DOCK1: variants seen among roughly 807,000 people sequenced by gnomAD.
The protein encoded by DOCK1 is dedicator of cytokinesis protein 1.
Under a neutral mutation model 262.7 loss-of-function variants are expected in DOCK1, and 138 were observed. The observed-to-expected ratio is 0.53, with a 90% confidence interval of 0.46 to 0.61. The LOEUF (loss-of-function observed/expected upper bound fraction) is 0.61, where lower values mean the gene tolerates loss of function less well. Among genes scored for constraint, DOCK1 ranks in the 20% least tolerant of loss-of-function variants. The pLI, the probability that DOCK1 is intolerant of heterozygous loss-of-function variation, is 0.00. For synonymous variants in DOCK1, 866 were observed against 867.4 expected (o/e 1.00, Z 0.03); for missense variants, 1,908 against 2,370.7 (o/e 0.80, Z 4.05).
intron 27 of DOCK1, among the ~76,000 whole-genome samples, chr10:127,158,946 A>G (rs2053338248): frequency 6.6e-6 from 1 of 152,148 alleles, no homozygotes; most frequent in South Asian, 2.1e-4. Flanking sequence ...CCATCCTTCT[A>G]GAACTGGGTT....
At chr10:127,067,639 G>C (rs888213590) in intron 23 of DOCK1, among the ~76,000 whole-genome samples, 5 of 151,834 alleles carry the variant, frequency 3.3e-5, no homozygotes, top group African/African-American at 9.7e-5. Flanking sequence ...GTCTCCTTTA[G>C]TCTATTCTAG....
intron 27 of DOCK1, among the ~76,000 whole-genome samples, chr10:127,218,792 A>G (rs921908435): frequency 3.9e-5 from 6 of 152,204 alleles, no homozygotes; most frequent in Non-Finnish European, 8.8e-5. Flanking sequence ...TTTATAAAGA[A>G]CAAAAATTTG....
chr10:126,965,425 G>A (rs1337633594), intron 1 of DOCK1, among the ~76,000 whole-genome samples: 1 of 152,154 alleles, frequency 6.6e-6, no homozygotes, highest in Non-Finnish European at 1.5e-5. Context: ...TCGGCGAAAT[G>A]GTCCCAGACT....
At chr10:126,908,776 C>T (rs993998078) in intron 1 of DOCK1, among the ~76,000 whole-genome samples, 2 of 152,192 alleles carry the variant, frequency 1.3e-5, no homozygotes, top group African/African-American at 4.8e-5. Context: ...CTTGACTCAG[C>T]TGTCACACTG....
intron 10 of DOCK1, among the ~76,000 whole-genome samples, chr10:127,005,555 G>C (rs1042723049): frequency 6.6e-6 from 1 of 151,956 alleles, no homozygotes; most frequent in East Asian, 1.9e-4. Context: ...CTTAGTCTTC[G>C]GTTGAAAAGA....
intron 27 of DOCK1, among the ~76,000 whole-genome samples, chr10:127,138,579 GC>G: frequency 6.6e-6 from 1 of 152,124 alleles, no homozygotes; most frequent in East Asian, 1.9e-4. Context: ...AGTGCCCAAC[GC>G]TGGGGAAAAT....
At chr10:127,183,158 T>C (rs1589820916) in intron 27 of DOCK1, among the ~76,000 whole-genome samples, 1 of 145,802 alleles carries the variant, frequency 6.9e-6, no homozygotes, top group Middle Eastern at 3.5e-3. Context: ...ATTGATTTTT[T>C]CCCCCCTAAA....
intron 29 of DOCK1, among the ~76,000 whole-genome samples, chr10:127,275,007 A>G (rs1295496609): frequency 6.6e-6 from 1 of 152,160 alleles, no homozygotes; most frequent in Non-Finnish European, 1.5e-5. Context: ...TCAGGTGCCC[A>G]GGAGGTGGCC....
chr10:127,190,071 A>G (rs546179145), intron 27 of DOCK1, among the ~76,000 whole-genome samples: 30 of 152,346 alleles, frequency 2.0e-4, no homozygotes, highest in African/African-American at 7.2e-4. Flanking sequence ...ACATTAATTT[A>G]TCTGACTGCA....
chr10:127,167,259 T>C (rs533920998), intron 27 of DOCK1, among the ~76,000 whole-genome samples: 2 of 152,288 alleles, frequency 1.3e-5, no homozygotes, highest in East Asian at 3.9e-4. Flanking sequence ...ATAACTTATA[T>C]TTGGGGTTTC....
At chr10:126,915,430 C>CT (rs1564979883) in intron 1 of DOCK1, among the ~76,000 whole-genome samples, 1 of 120,826 alleles carries the variant, frequency 8.3e-6, no homozygotes, top group Non-Finnish European at 1.8e-5. Context: ...TTTTTGGGGG[C>CT]GGGGGGGGGA....
intron 1 of DOCK1, among the ~76,000 whole-genome samples, chr10:126,950,137 T>A (rs1355910943): frequency 1.1e-4 from 16 of 152,166 alleles, no homozygotes; most frequent in African/African-American, 3.9e-4. Context: ...ATTAGATAAA[T>A]TAGGTAGTCC....
intron 29 of DOCK1, among the ~76,000 whole-genome samples, chr10:127,299,388 GCCGCCGCGCCCGGCCA>G (rs2061606911): frequency 6.6e-6 from 1 of 152,226 alleles, no homozygotes; most frequent in Non-Finnish European, 1.5e-5. Flanking sequence ...ACAGGCGTGA[GCCGCCGCGCCCGGCCA>G]AGAAGGGTGG....
At position 127,012,181 on chromosome 10, in the gene DOCK1, G is replaced by C; in HGVS notation, c.1059-51G>C. 1.0e-6 allele frequency: 1 copy of C among 972,116 alleles called. No individual in the cohort carries two copies. The highest frequency in any genetic ancestry group is 1.7e-6 in the Non-Finnish European group (1 of 603,736). The allele number at this position is 972,116 out of a possible 1,614,324, so 60.2% of individuals were successfully genotyped here. On this transcript the variant is annotated intron_variant, in intron 11 of 51. Transcript: ENST00000623213. This position sits in a 1 kb window ranked among gnomAD's most constrained non-coding sequence, Gnocchi z 4.0. ...GTTCCCTTGTTACCGTGGCCCATGGGTCTCTGTGCCCCTTTGTCTCCTGTG... is the reference window on the plus strand; with the variant it reads ...GTTCCCTTGTTACCGTGGCCCATGGCTCTCTGTGCCCCTTTGTCTCCTGTG...
chr10:127,043,282 G>T, intron 21 of DOCK1, 118 bp downstream of exon 21: 1 of 772,584 alleles, frequency 1.3e-6, no homozygotes, highest in Non-Finnish European at 2.1e-6. Flanking sequence ...AAAACTCTGA[G>T]TTTACTGGAA....
Position 126,905,474 on chromosome 10 carries a change from G to A in DOCK1, c.-44G>A, listed in dbSNP as rs1591261591. 5 of 518,996 alleles carry A rather than the reference G, an allele frequency of 9.6e-6. No individual in the cohort carries two copies. Among genetic ancestry groups the A allele is most frequent in the African/African-American group, 4.1e-5 (2 of 48,998 alleles). The allele number at this position is 518,996 out of a possible 1,614,324, so 32.1% of individuals were successfully genotyped here. On this transcript the variant is annotated 5_prime_UTR_variant, in exon 1 of 52. An upstream open reading frame in the 5' UTR loses its in-frame stop. Coordinates refer to ENST00000623213, the MANE Select transcript of DOCK1 (RefSeq NM_001290223.2). ...GAAAGGAATGGAAAATGGCGGCCTA[G>A]ACGCGGAGTTTCCTGCCCGACCCGC...
chr10:127,188,690 T>C (rs12265770), intron 27 of DOCK1, among the ~76,000 whole-genome samples: 7 of 152,176 alleles, frequency 4.6e-5, no homozygotes, highest in Admixed American at 1.3e-4. Context: ...CTCCACTTAA[T>C]AGCCCAGAAC....
In DOCK1 at chr10:127,052,250, T is replaced by C. The variant is rs1240159200; in HGVS notation, c.2202-431T>C. Among the ~76,000 whole-genome samples, 5 of 152,352 alleles carry C rather than the reference T, an allele frequency of 3.3e-5. No individual in the cohort carries two copies. The South Asian group carries it at 6.2e-4, about 19-fold the overall frequency. On this transcript the variant is annotated intron_variant, in intron 21 of 51. Transcript: ENST00000623213. ...TGATTAGAAAACGTTTTACAGGCCGTGCAGTGGCTTACGCCTATGATCCTA... is the reference window on the plus strand; with the variant it reads ...TGATTAGAAAACGTTTTACAGGCCGCGCAGTGGCTTACGCCTATGATCCTA...
intron 27 of DOCK1, among the ~76,000 whole-genome samples, chr10:127,140,307 C>A (rs1052936132): frequency 6.6e-6 from 1 of 152,274 alleles, no homozygotes; most frequent in Admixed American, 6.5e-5. Context: ...CTTTATCTGT[C>A]GAGTTGATTC....
Sources: allele counts gnomAD v4.1 joint callset (sites outside exome capture counted in the v4.1 genomes callset), GRCh38; gene constraint gnomAD v4.1.1; non-coding constraint Gnocchi (gnomAD v3.1); transcripts MANE v1.5; gene names NCBI Gene and HGNC (gene_info 2026-07-23, HGNC 2026-07-21).